The following ZSCAN25 variants were observed in gnomAD, a reference collection of about 807,000 sequenced individuals.
ZSCAN25 encodes zinc finger and SCAN domain-containing protein 25.
Under a neutral mutation model 38.7 loss-of-function variants are expected in ZSCAN25, and 27 were observed. That is an observed-to-expected ratio of 0.70 (90% CI 0.51 to 0.96). The LOEUF is 0.96. Ranked by LOEUF, ZSCAN25 falls within the 40% of genes least tolerant of loss-of-function variation. ZSCAN25 has a pLI of 0.00. For missense variants in ZSCAN25, 637 were observed against 705.9 expected (o/e 0.90, Z 1.11); for synonymous variants, 273 against 277.7 (o/e 0.98, Z 0.17).
the ZSCAN25 span, chr7:99,652,463 AC>A: frequency 7.4e-6 from 6 of 805,764 alleles, no homozygotes; most frequent in South Asian, 9.9e-5. Flanking sequence ...TGATTGTACA[AC>A]CACACGATTG....
Position 99,619,699 on chromosome 7 carries a change from A to T in ZSCAN25, c.93A>T (p.Arg31Ser). Residue 31 changes from arginine to serine, a missense_variant, in exon 4 of 8, where the codon AGA (arginine) becomes AGT (serine). Physicochemically the swap from Arg to Ser is moderately radical, Grantham distance 110. Coordinates refer to ENST00000394152, the MANE Select transcript of ZSCAN25 (RefSeq NM_145115.3). ...VKLEKELPWGRGREDPSPETF... is the reference protein window; with the variant it reads ...VKLEKELPWGSGREDPSPETF... ...TGGAGAAAGAGTTGCCATGGGGCAG[A>T]GGAAGGGAGGACCCTAGTCCAGAGA... 6.2e-7 allele frequency: 1 copy of T among 1,614,262 alleles called. No individual in the cohort carries two copies.
the ZSCAN25 span, among the ~76,000 whole-genome samples, chr7:99,646,895 A>G: frequency 6.7e-6 from 1 of 150,156 alleles, no homozygotes; most frequent in African/African-American, 2.5e-5. Flanking sequence ...TCAACTATCT[A>G]TTATCTATCT....
the ZSCAN25 span, among the ~76,000 whole-genome samples, chr7:99,734,080 A>G: frequency 3.9e-5 from 6 of 152,222 alleles, no homozygotes; most frequent in Non-Finnish European, 7.4e-5. Flanking sequence ...CTCCAAAAAA[A>G]TCTGGCTTTA....
At chr7:99,695,819 C>G in the ZSCAN25 span, 3 of 1,613,644 alleles carry the variant, frequency 1.9e-6, no homozygotes, top group Non-Finnish European at 2.5e-6. Flanking sequence ...CTTAAAAAGT[C>G]CATGTGAATG....
chr7:99,631,032 T>C lies in ZSCAN25; in HGVS notation c.*1012T>C. 1.0e-6 allele frequency: 1 copy of C among 969,904 alleles called. No homozygotes were observed. The highest frequency in any genetic ancestry group is 1.2e-6 in the Non-Finnish European group (1 of 815,886). 60.1% of individuals were successfully genotyped at this position (969,904 alleles called of 1,614,324 possible). On this transcript the variant is annotated 3_prime_UTR_variant, in exon 8 of 8. Transcript: ENST00000394152. ...CTGTAACAAACATGTCAGGAACTCT[T>C]CTGGGTGCTTGAGACACATCCATGA...
At chr7:99,716,053 A>G in the ZSCAN25 span, 2 of 1,491,454 alleles carry the variant, frequency 1.3e-6, no homozygotes, top group Non-Finnish European at 1.8e-6. Flanking sequence ...CTCCCATCAC[A>G]CTCCCTCAGA....
downstream of ZSCAN25, among the ~76,000 whole-genome samples, chr7:99,635,882 C>A (rs1808257855): frequency 6.6e-6 from 1 of 151,852 alleles, no homozygotes; most frequent in South Asian, 2.1e-4. Context: ...CCCGTGTCTG[C>A]TAAAAATACA....
chr7:99,667,379 A>G, the ZSCAN25 span, among the ~76,000 whole-genome samples: 1 of 152,172 alleles, frequency 6.6e-6, no homozygotes. Context: ...CAGGAACAAG[A>G]CCTAGCCCTT....
the ZSCAN25 span, among the ~76,000 whole-genome samples, chr7:99,656,201 A>G: frequency 6.6e-6 from 1 of 152,180 alleles, no homozygotes; most frequent in Admixed American, 6.5e-5. Flanking sequence ...ATTCAGTATG[A>G]TATTGGCTGT....
chr7:99,675,973 G>T, the ZSCAN25 span: 1 of 677,930 alleles, frequency 1.5e-6, no homozygotes. Flanking sequence ...GAGATTACAG[G>T]CATGATCCAC....
At chr7:99,685,107 T>G in the ZSCAN25 span, 1 of 1,485,414 alleles carries the variant, frequency 6.7e-7, no homozygotes, top group Non-Finnish European at 9.4e-7. Context: ...TCACAGCTTT[T>G]TTGAAGAGCA....
chr7:99,630,513 A>T lies in ZSCAN25; in HGVS notation c.*493A>T, dbSNP rs1807914869. ...CGTGGTGAATGAGAGACTAGACGTG[A>T]TGCCTCTGGGGGTTGTGCGTTGGGG... On this transcript the variant is annotated 3_prime_UTR_variant, in exon 8 of 8. Coordinates refer to ENST00000394152, the MANE Select transcript of ZSCAN25 (RefSeq NM_145115.3). 1.0e-6 allele frequency: 1 copy of T among 993,478 alleles called. No individual in the cohort carries two copies. Among genetic ancestry groups the T allele is most frequent in the South Asian group, 4.6e-5 (1 of 21,978 alleles). The allele number at this position is 993,478 out of a possible 1,614,324, so 61.5% of individuals were successfully genotyped here.
At chr7:99,658,450 C>A in the ZSCAN25 span, among the ~76,000 whole-genome samples, 2 of 152,096 alleles carry the variant, frequency 1.3e-5, no homozygotes, top group Non-Finnish European at 2.9e-5. Context: ...CCGAGAGATC[C>A]ACTGTTAGTC....
the ZSCAN25 span, among the ~76,000 whole-genome samples, chr7:99,714,924 A>T: frequency 6.6e-6 from 1 of 152,294 alleles, no homozygotes; most frequent in East Asian, 1.9e-4. Flanking sequence ...CTTTTGAATG[A>T]TGAAAGGAAC....
At chr7:99,664,103 AAAAAC>A in the ZSCAN25 span, 6 of 1,559,756 alleles carry the variant, frequency 3.8e-6, no homozygotes, top group African/African-American at 8.5e-5. Flanking sequence ...GTACTGTGGG[AAAAAC>A]AAAACAAACA....
chr7:99,686,891 A>T, the ZSCAN25 span, among the ~76,000 whole-genome samples: 1 of 152,132 alleles, frequency 6.6e-6, no homozygotes, highest in Middle Eastern at 3.2e-3. Flanking sequence ...TTCTGCAGGC[A>T]CCACTGCTGA....
chr7:99,723,668 C>T, the ZSCAN25 span, among the ~76,000 whole-genome samples: 5 of 152,156 alleles, frequency 3.3e-5, no homozygotes, highest in Admixed American at 3.3e-4. Context: ...CCTCTTGGGT[C>T]CTCAGACCAG....
the ZSCAN25 span, among the ~76,000 whole-genome samples, chr7:99,701,073 G>A: frequency 6.6e-6 from 1 of 152,150 alleles, no homozygotes; most frequent in African/African-American, 2.4e-5. Flanking sequence ...ATTCATTCCT[G>A]TATTAAAGCA....
At chr7:99,645,273 G>A in the ZSCAN25 span, among the ~76,000 whole-genome samples, 1 of 152,332 alleles carries the variant, frequency 6.6e-6, no homozygotes, top group East Asian at 1.9e-4. Flanking sequence ...ACAGGCGTGA[G>A]CCACTATGCT....
Sources: allele counts gnomAD v4.1 joint callset (sites outside exome capture counted in the v4.1 genomes callset), GRCh38; gene constraint gnomAD v4.1.1; transcripts MANE v1.5; gene names NCBI Gene and HGNC (gene_info 2026-07-23, HGNC 2026-07-21).